The following COBL variants were observed in gnomAD, a reference collection of about 807,000 sequenced individuals.
COBL encodes protein cordon-bleu.
COBL carries 51 observed loss-of-function variants against 98.8 expected under a neutral mutation model. The ratio of observed to expected loss-of-function variants is 0.52; its 90% CI spans 0.41 to 0.65. The LOEUF (loss-of-function observed/expected upper bound fraction) is 0.65. COBL is among the 30% of genes least tolerant of loss of function. The probability of loss-of-function intolerance (pLI) is 0.00; values close to 1 mark genes in which losing one functional copy is unlikely to be tolerated. For missense variants in COBL, 1,617 were observed against 1,617.5 expected, an observed-to-expected ratio of 1.00 and a Z score of 0.01; for synonymous variants, 634 against 651.7, an observed-to-expected ratio of 0.97 and a Z score of 0.41.
At chr7:51,261,559 T>C (rs572340146) in intron 1 of COBL, among the ~76,000 whole-genome samples, 1 of 152,310 alleles carries the variant, frequency 6.6e-6, no homozygotes, top group African/African-American at 2.4e-5. Flanking sequence ...ATGACATGTT[T>C]GGTGGAGAGC....
chr7:51,161,783 CAAG>C (rs1488622978), intron 5 of COBL, among the ~76,000 whole-genome samples: 2 of 152,024 alleles, frequency 1.3e-5, no homozygotes, highest in Non-Finnish European at 2.9e-5. Flanking sequence ...ACCAAGAAAC[CAAG>C]AAGCAGGGCC....
At chr7:51,056,444 A>G (rs1790756476) in intron 7 of COBL, among the ~76,000 whole-genome samples, 1 of 152,124 alleles carries the variant, frequency 6.6e-6, no homozygotes, top group Non-Finnish European at 1.5e-5. Context: ...GCAGCATTGA[A>G]ACCTGAGTCT....
intron 1 of COBL, among the ~76,000 whole-genome samples, chr7:51,240,895 G>A (rs1043346512): frequency 3.3e-5 from 5 of 152,178 alleles, no homozygotes; most frequent in Admixed American, 2.0e-4. Flanking sequence ...TGAAATTTAC[G>A]AGACCACCCT....
At chr7:51,176,244 C>T (rs565900697) in intron 5 of COBL, among the ~76,000 whole-genome samples, 3 of 151,978 alleles carry the variant, frequency 2.0e-5, no homozygotes, top group Non-Finnish European at 4.4e-5. Flanking sequence ...TGGAAAGGTA[C>T]CTTTGGTTTA....
At chr7:51,173,825 CA>C (rs970651347) in intron 5 of COBL, among the ~76,000 whole-genome samples, 1 of 151,976 alleles carries the variant, frequency 6.6e-6, no homozygotes, top group Non-Finnish European at 1.5e-5. Context: ...AGCTTTAAAA[CA>C]AAAAAGATAT....
intron 1 of COBL, among the ~76,000 whole-genome samples, chr7:51,296,856 C>A (rs1801460664): frequency 6.6e-6 from 1 of 152,160 alleles, no homozygotes; most frequent in African/African-American, 2.4e-5. Flanking sequence ...AACGACCATG[C>A]TGTATGCACT....
At chr7:51,163,091 G>C (rs1410740013) in intron 5 of COBL, among the ~76,000 whole-genome samples, 1 of 152,176 alleles carries the variant, frequency 6.6e-6, no homozygotes, top group Non-Finnish European at 1.5e-5. Context: ...CTAAGGGAAG[G>C]AAGAGCTGCA....
At chr7:51,202,612 CA>C (rs1447436688) in intron 2 of COBL, among the ~76,000 whole-genome samples, 2 of 151,900 alleles carry the variant, frequency 1.3e-5, no homozygotes, top group African/African-American at 4.8e-5. Flanking sequence ...ACCACTGAGT[CA>C]AAGGAGAAAT....
At chr7:51,081,148 T>C (rs1793627578) in intron 7 of COBL, among the ~76,000 whole-genome samples, 1 of 152,086 alleles carries the variant, frequency 6.6e-6, no homozygotes, top group South Asian at 2.1e-4. Flanking sequence ...GGCAAGGCGC[T>C]TGCCTGGTCT....
At chr7:51,137,521 C>A (rs1799352909) in intron 5 of COBL, among the ~76,000 whole-genome samples, 1 of 151,556 alleles carries the variant, frequency 6.6e-6, no homozygotes, top group South Asian at 2.1e-4. Context: ...ATCTCTTGAG[C>A]CTGAGTTTGA....
rs761242770 is a variant in COBL at position 51,029,395 on chromosome 7, G to A, written c.1701C>T (p.Phe567=). The change falls in exon 10 of 13, where the codon TTC becomes TTT. Residue 567 remains phenylalanine (F), a synonymous_variant. Coordinates refer to ENST00000265136, the MANE Select transcript of COBL (RefSeq NM_015198.5). ...TCCTGCTGGCAACACCCTCCGAGTC[G>A]AAAGACCCAGCATTGTTGTTTCTAT... ...FSNRNNNAGS[F]DSEGVASRRD... The A allele has an allele frequency of 1.4e-5, 23 of 1,613,002 alleles. No individual in the cohort carries two copies. Among genetic ancestry groups the A allele is most frequent in the Middle Eastern group, 1.6e-4 (1 of 6,078 alleles).
intron 10 of COBL, 64 bp downstream of exon 10, chr7:51,027,648 T>G: frequency 1.0e-5 from 14 of 1,345,694 alleles, no homozygotes; most frequent in Non-Finnish European, 1.4e-5. Flanking sequence ...ATTCTGAGAC[T>G]CTGAGACCAG....
At chr7:51,308,993 A>C (rs1407530473) in intron 1 of COBL, among the ~76,000 whole-genome samples, 2 of 152,178 alleles carry the variant, frequency 1.3e-5, no homozygotes, top group African/African-American at 4.8e-5. Context: ...CAGCAAACTA[A>C]GGACATGTTT....
At chr7:51,057,558 T>C (rs1345361832) in intron 7 of COBL, among the ~76,000 whole-genome samples, 1 of 152,120 alleles carries the variant, frequency 6.6e-6, no homozygotes, top group Non-Finnish European at 1.5e-5. Context: ...CTTGTAACAG[T>C]GATAAGATCA....
rs185703771 is a variant in COBL at position 51,112,964 on chromosome 7, T to G, written c.957+23194A>C. Reference sequence around the variant, plus strand: ...AAAACTCCTACAACCGAAAATAAATTTATTAATGGTGATGTGCTCCCATAA... The same window carrying G: ...AAAACTCCTACAACCGAAAATAAATGTATTAATGGTGATGTGCTCCCATAA... On this transcript the variant is annotated intron_variant, in intron 6 of 12. Transcript: ENST00000265136. Among the ~76,000 whole-genome samples, 251 of 152,262 alleles carry G rather than the reference T, an allele frequency of 1.6e-3. 2 individuals are homozygous for G. Among genetic ancestry groups the G allele is most frequent in the Admixed American group, 3.3e-3 (51 of 15,280 alleles).
chr7:51,168,789 T>C (rs1331819742), intron 5 of COBL, among the ~76,000 whole-genome samples: 1 of 152,126 alleles, frequency 6.6e-6, no homozygotes, highest in East Asian at 1.9e-4. Context: ...AGAAAGGAAA[T>C]TAGTATATTG....
chr7:51,224,568 GA>G (rs916762747), intron 1 of COBL, among the ~76,000 whole-genome samples: 35 of 144,844 alleles, frequency 2.4e-4, no homozygotes, highest in South Asian at 6.6e-4. Context: ...AGAGAAAAAG[GA>G]AAAAAAAAAA....
At chr7:51,260,697 G>C (rs1797637055) in intron 1 of COBL, among the ~76,000 whole-genome samples, 2 of 152,204 alleles carry the variant, frequency 1.3e-5, no homozygotes, top group African/African-American at 4.8e-5. Flanking sequence ...GGAGAAGATG[G>C]GAAAGGTTGT....
chr7:51,209,100 A>G (rs1050414611), intron 2 of COBL, among the ~76,000 whole-genome samples: 1 of 150,480 alleles, frequency 6.6e-6, no homozygotes, highest in Non-Finnish European at 1.5e-5. Flanking sequence ...GTGCCTGATC[A>G]GCCAGAGGCA....
Sources: gnomAD v4.1 joint callset for allele counts (sites outside exome capture counted in the v4.1 genomes callset) on GRCh38, gnomAD v4.1.1 for gene constraint, MANE v1.5 for transcripts, NCBI Gene and HGNC (gene_info 2026-07-23, HGNC 2026-07-21) for gene names.